Variants in SLC23A2 observed in about 807,000 individuals in gnomAD.
SLC23A2 encodes solute carrier family 23 member 2, also known as Na(+)/L-ascorbic acid transporter 2.
In SLC23A2, 36 loss-of-function variants were observed where a neutral mutation model predicts 73.3. The ratio of observed to expected loss-of-function variants is 0.49; its 90% confidence interval spans 0.38 to 0.65. The LOEUF (loss-of-function observed/expected upper bound fraction) is 0.65, where lower values mean the gene tolerates loss of function less well. Ranked by LOEUF, SLC23A2 falls within the 30% of genes least tolerant of loss-of-function variation. The pLI is 0.00. For missense variants in SLC23A2, 507 were observed against 841.6 expected, an observed-to-expected ratio of 0.60 and a Z score of 4.92; for synonymous variants, 343 against 327.3, an observed-to-expected ratio of 1.05 and a Z score of -0.52.
chr20:4,933,603 C>T lies in SLC23A2; in HGVS notation c.-154-887G>A, dbSNP rs571019091. On this transcript the variant is annotated intron_variant, in intron 2 of 16. Transcript: ENST00000338244. ...AAGATCGCATCACTGCACTCTAGCC[C>T]GGATGATAGAGTAAGTGAAATTCAG... 8.9e-4 allele frequency among the ~76,000 whole-genome samples: 135 copies of T among 151,282 alleles called. 1 individual carries two copies. The highest frequency in any genetic ancestry group is 3.1e-3 in the African/African-American group (128 of 41,192).
intron 13 of SLC23A2, among the ~76,000 whole-genome samples, chr20:4,864,300 G>A (rs1169074785): frequency 6.6e-6 from 1 of 152,202 alleles, no homozygotes; most frequent in African/African-American, 2.4e-5. Flanking sequence ...AGGCACACGT[G>A]GCTGGTGCAG....
rs2087005706 is a variant in SLC23A2 at position 4,939,271 on chromosome 20, T to A, written c.-154-6555A>T. ...CCAACGTTTGTGGACTGATAAATGA[T>A]TTTTTTAAGGCATGTGGTATAATGT... On this transcript the variant is annotated intron_variant, in intron 2 of 16. Coordinates refer to ENST00000338244, the MANE Select transcript of SLC23A2 (RefSeq NM_005116.6). Among the ~76,000 whole-genome samples the A allele has an allele frequency of 1.3e-5, 2 of 152,154 alleles. 1 individual carries two copies. The highest frequency in any genetic ancestry group is 4.1e-4 in the South Asian group (2 of 4,820).
chr20:4,931,336 C>A (rs1248049601), intron 3 of SLC23A2, among the ~76,000 whole-genome samples: 5 of 151,996 alleles, frequency 3.3e-5, no homozygotes, highest in Admixed American at 3.3e-4. Context: ...CACAGTGAGA[C>A]CCAGTCTTAA....
rs1191067662 is a variant in SLC23A2 at position 4,854,346 on chromosome 20, C to G, written c.*2626G>C. The G allele has an allele frequency of 1.3e-5, 2 of 152,054 alleles. No individual in the cohort carries two copies. The highest frequency in any genetic ancestry group is 4.8e-5 in the African/African-American group (2 of 41,364). The allele number at this position is 152,054 out of a possible 1,614,324, so 9.4% of individuals were successfully genotyped here. On this transcript the variant is annotated 3_prime_UTR_variant, in exon 17 of 17. Coordinates refer to ENST00000338244, the MANE Select transcript of SLC23A2 (RefSeq NM_005116.6). ...TCTTTTTCTTTCAATTACAAACTTTCATTCTGTAGCATATTTTCCAGTAGG... is the reference window on the plus strand; with the variant it reads ...TCTTTTTCTTTCAATTACAAACTTTGATTCTGTAGCATATTTTCCAGTAGG...
intron 8 of SLC23A2, among the ~76,000 whole-genome samples, chr20:4,884,459 G>T (rs754370694): frequency 6.6e-6 from 1 of 152,218 alleles, no homozygotes; most frequent in Non-Finnish European, 1.5e-5. Flanking sequence ...AGCCTCTGTA[G>T]CTCCATCCAG....
intron 1 of SLC23A2, among the ~76,000 whole-genome samples, chr20:4,994,933 T>G (rs60744727): frequency 0.028 from 4,135 of 150,128 alleles, 187 homozygotes; most frequent in African/African-American, 0.096. Flanking sequence ...AAACTCTGTC[T>G]CAAAAAAAAA....
At chr20:4,905,022 G>A (rs1021488532) in intron 4 of SLC23A2, among the ~76,000 whole-genome samples, 3 of 149,080 alleles carry the variant, frequency 2.0e-5, no homozygotes, top group Non-Finnish European at 4.4e-5. Context: ...GCTGAGGCAG[G>A]AGAATTGCTT....
intron 2 of SLC23A2, among the ~76,000 whole-genome samples, chr20:4,943,272 C>T (rs1270660244): frequency 6.6e-6 from 1 of 151,942 alleles, no homozygotes; most frequent in Admixed American, 6.6e-5. Flanking sequence ...TTGCTCTAGA[C>T]AAAAACCCAC....
chr20:4,975,815 G>A (rs568725927), intron 1 of SLC23A2, among the ~76,000 whole-genome samples: 7 of 150,190 alleles, frequency 4.7e-5, no homozygotes, highest in African/African-American at 1.7e-4. Flanking sequence ...TTTTCAGTAC[G>A]TGTTTGGGTT....
intron 2 of SLC23A2, among the ~76,000 whole-genome samples, chr20:4,956,177 T>C (rs898282883): frequency 2.1e-4 from 32 of 152,218 alleles, no homozygotes; most frequent in African/African-American, 7.5e-4. Context: ...ATGAATAAAA[T>C]CTAAAATGTG....
chr20:4,870,109 G>A (rs1054172849), intron 11 of SLC23A2, 56 bp from the exon 12 acceptor site: 5 of 1,458,248 alleles, frequency 3.4e-6, no homozygotes, highest in Admixed American at 4.3e-5. Context: ...AAGTGACCAG[G>A]ACCAGTTACC....
At chr20:4,880,013 G>A (rs1292999848) in intron 9 of SLC23A2, among the ~76,000 whole-genome samples, 2 of 152,194 alleles carry the variant, frequency 1.3e-5, no homozygotes, top group Non-Finnish European at 2.9e-5. Context: ...ACTTTAGCAC[G>A]CTACCTGAAG....
intron 2 of SLC23A2, among the ~76,000 whole-genome samples, chr20:4,949,634 C>A (rs2087169070): frequency 1.3e-5 from 2 of 152,122 alleles, no homozygotes; most frequent in Admixed American, 1.3e-4. Flanking sequence ...CCCACCTACA[C>A]AGGCACAGTC....
intron 6 of SLC23A2, among the ~76,000 whole-genome samples, chr20:4,896,538 CA>C (rs2122859323): frequency 6.6e-6 from 1 of 152,328 alleles, no homozygotes; most frequent in African/African-American, 2.4e-5. Context: ...ATTCTTTAAT[CA>C]GGACACATGA....
chr20:4,993,683 A>G (rs1005625462), intron 1 of SLC23A2, among the ~76,000 whole-genome samples: 11 of 152,340 alleles, frequency 7.2e-5, no homozygotes, highest in Admixed American at 5.2e-4. Context: ...GTTATATTCC[A>G]AACACTTTTA....
intron 5 of SLC23A2, among the ~76,000 whole-genome samples, chr20:4,900,777 G>C (rs985374621): frequency 1.3e-5 from 2 of 152,118 alleles, no homozygotes; most frequent in African/African-American, 2.4e-5. Context: ...GCCCTGGTAG[G>C]ATAGTCCCAG....
chr20:4,907,109 A>G (rs1931984344), intron 4 of SLC23A2, among the ~76,000 whole-genome samples: 1 of 152,222 alleles, frequency 6.6e-6, no homozygotes, highest in Non-Finnish European at 1.5e-5. Flanking sequence ...ATAAATTGGA[A>G]AGCCCTCAGG....
rs1226256658 is a variant in SLC23A2, at chr20:4,890,788, T to C, written c.483-4879A>G. On this transcript the variant is annotated intron_variant, in intron 6 of 16. Coordinates refer to ENST00000338244, the MANE Select transcript of SLC23A2 (RefSeq NM_005116.6). Reference sequence around the variant, plus strand: ...TTGGAAAGCAGCCTGCACTGTTCTATCTATTCGTGGTGATGGTGATGTGAT... The same window carrying C: ...TTGGAAAGCAGCCTGCACTGTTCTACCTATTCGTGGTGATGGTGATGTGAT... Among the ~76,000 whole-genome samples, 9 of 152,336 alleles carry C rather than the reference T, an allele frequency of 5.9e-5. No individual in the cohort carries two copies. The South Asian group carries it at 1.7e-3, about 28-fold the overall frequency.
chr20:4,958,997 G>T (rs1661891629), intron 2 of SLC23A2, among the ~76,000 whole-genome samples: 1 of 151,876 alleles, frequency 6.6e-6, no homozygotes, highest in Admixed American at 6.6e-5. Flanking sequence ...GATCACCTGA[G>T]GTCAGGAGTT....
Sources: gnomAD v4.1 joint callset for allele counts (sites outside exome capture counted in the v4.1 genomes callset) on GRCh38, gnomAD v4.1.1 for gene constraint, MANE v1.5 for transcripts, NCBI Gene and HGNC (gene_info 2026-07-23, HGNC 2026-07-21) for gene names.